The following SETX variants were observed in gnomAD, a reference collection of about 807,000 sequenced individuals.
SETX encodes the protein helicase senataxin.
In SETX, 90 loss-of-function variants were observed where a neutral mutation model predicts 227.2. The ratio of observed to expected loss-of-function variants is 0.40; its 90% CI spans 0.33 to 0.47. The LOEUF (loss-of-function observed/expected upper bound fraction) is 0.47. SETX is among the 20% of genes least tolerant of loss of function. The pLI is 0.91. For missense variants in SETX, 3,052 were observed against 3,181.5 expected, an observed-to-expected ratio of 0.96 and a Z score of 0.98; for synonymous variants, 1,210 against 1,113.2, an observed-to-expected ratio of 1.09 and a Z score of -1.73.
chr9:132,342,668 A>G, intron 5 of SETX, 22 bp downstream of exon 5: 1 of 1,487,780 alleles, frequency 6.7e-7, no homozygotes, highest in African/African-American at 1.4e-5. Flanking sequence ...ATACCCTTCT[A>G]TCGCCCAACA....
intron 15 of SETX, among the ~76,000 whole-genome samples, chr9:132,289,823 C>T (rs1198041671): frequency 1.3e-5 from 2 of 152,194 alleles, no homozygotes. Context: ...ACATTTTAAT[C>T]TCAGGTTAAC....
At chr9:132,322,811 A>G (rs912673578) in intron 10 of SETX, among the ~76,000 whole-genome samples, 2 of 147,272 alleles carry the variant, frequency 1.4e-5, no homozygotes, top group Non-Finnish European at 3.0e-5. Context: ...ACCATGCAAA[A>G]AGAGAAAAAC....
intron 16 of SETX, 42 bp downstream of exon 16, chr9:132,288,508 A>G (rs1363565064): frequency 6.5e-7 from 1 of 1,531,392 alleles, no homozygotes; most frequent in Admixed American, 1.7e-5. Flanking sequence ...TCCACCAAAC[A>G]AAACAGAGAA....
Position 132,277,241 on chromosome 9 carries a change from G to A in SETX, c.6843-89C>T, listed in dbSNP as rs1174055121. 3.3e-5 allele frequency: 39 copies of A among 1,170,578 alleles called. No homozygotes were observed. In the East Asian group the frequency reaches 9.5e-4, roughly 29 times the overall value. 72.5% of individuals were successfully genotyped at this position (1,170,578 alleles called of 1,614,324 possible). A position where few individuals can be genotyped will look rare whatever the true frequency, so the allele number is the denominator to read the frequency against. ...ATTACTACAATTTTTTCTGTGTGGT[G>A]ATGTGGGCTGGGGCAAGTAAGGGGA... On this transcript the variant is annotated intron_variant, in intron 21 of 25. Coordinates refer to ENST00000224140, the MANE Select transcript of SETX (RefSeq NM_015046.7).
At chr9:132,293,886 T>C (rs890995349) in intron 15 of SETX, among the ~76,000 whole-genome samples, 1 of 151,832 alleles carries the variant, frequency 6.6e-6, no homozygotes, top group African/African-American at 2.4e-5. Context: ...TAGCCGGGTG[T>C]TGTGGCGGGC....
chr9:132,336,196 T>C (rs1847602790), intron 6 of SETX, 100 bp downstream of exon 6: 1 of 958,778 alleles, frequency 1.0e-6, no homozygotes, highest in Non-Finnish European at 1.6e-6. Context: ...TGAGTGGAGA[T>C]GGTGCCACTG....
chr9:132,310,875 C>T (rs189660794), intron 11 of SETX, among the ~76,000 whole-genome samples: 77 of 152,298 alleles, frequency 5.1e-4, no homozygotes, highest in African/African-American at 1.8e-3. Flanking sequence ...ATAAATATAT[C>T]TTCTCTTCCT....
rs768463077 is a variant in SETX at position 132,281,082 on chromosome 9, CTCTT to C, written c.6654+381_6654+384del. ...CAAAAATGAGGAGGGTAGGATTCTT[CTCTT>C]TATTTCTGAAGTTTTTCTTTTATTA... On this transcript the variant is annotated intron_variant, in intron 20 of 25. Coordinates refer to ENST00000224140, the MANE Select transcript of SETX (RefSeq NM_015046.7). Among the ~76,000 whole-genome samples, 9 of 152,294 alleles carry C rather than the reference CTCTT, an allele frequency of 5.9e-5. No homozygotes were observed. In the South Asian group the frequency reaches 1.0e-3, roughly 18 times the overall value.
Position 132,330,060 on chromosome 9 carries a change from T to C in SETX, c.1538A>G (p.Lys513Arg), listed in dbSNP as rs370374547. Reference protein sequence around the residue: ...SSEKSSGNCSKGTAMISSLSL... With the variant: ...SSEKSSGNCSRGTAMISSLSL... ...CAGTGAAGATATCATTGCTGTTCCT[T>C]TGGAGCAATTTCCAGATGATTTCTC... The change falls in exon 10 of 26, where the codon AAA becomes AGA. Residue 513 changes from lysine to arginine, a missense_variant. Physicochemically the swap from Lys to Arg is conservative, Grantham distance 26 (BLOSUM62 2). Transcript: ENST00000224140. 2 of 1,614,244 alleles carry C rather than the reference T, an allele frequency of 1.2e-6. No homozygotes were observed. The highest frequency in any genetic ancestry group is 2.2e-5 in the East Asian group (1 of 44,892).
At position 132,264,482 on chromosome 9, in the gene SETX, C is replaced by A. The variant is rs1352532349; in HGVS notation, c.7791G>T (p.Leu2597=). 1.2e-6 allele frequency: 2 copies of A among 1,613,312 alleles called. No individual in the cohort carries two copies. The highest frequency in any genetic ancestry group is 1.7e-6 in the Non-Finnish European group (2 of 1,179,774). ...IQQPAAVVAA[L]SSHKPPVRGE... is the part of the protein sequence containing the mutation. ...CCCGCACGGGAGGTTTGTGGCTGCTCAGAGCAGCCACTACAGCAGCGGGCT... is the reference window on the plus strand; with the variant it reads ...CCCGCACGGGAGGTTTGTGGCTGCTAAGAGCAGCCACTACAGCAGCGGGCT... The change falls in exon 26 of 26, where the codon CTG becomes CTT. Residue 2597 remains leucine (L), a synonymous_variant. Coordinates refer to ENST00000224140, the MANE Select transcript of SETX (RefSeq NM_015046.7).
At chr9:132,283,110 A>T in intron 19 of SETX, 154 bp downstream of exon 19, 1 of 933,606 alleles carries the variant, frequency 1.1e-6, no homozygotes, top group South Asian at 1.5e-5. Flanking sequence ...ATTAAGGAGT[A>T]TATTTCTACA....
intron 10 of SETX, among the ~76,000 whole-genome samples, chr9:132,325,535 G>C (rs1846685040): frequency 6.6e-6 from 1 of 152,148 alleles, no homozygotes; most frequent in African/African-American, 2.4e-5. Context: ...TCTCCTCTGA[G>C]AAGTCTTCCT....
At chr9:132,340,619 T>C (rs1564561671) in intron 5 of SETX, among the ~76,000 whole-genome samples, 1 of 152,204 alleles carries the variant, frequency 6.6e-6, no homozygotes, top group African/African-American at 2.4e-5. Context: ...AGAAGCAGCA[T>C]TAGAAGACAC....
At chr9:132,302,807 A>AT (rs1845090199) in intron 11 of SETX, among the ~76,000 whole-genome samples, 1 of 151,864 alleles carries the variant, frequency 6.6e-6, no homozygotes, top group African/African-American at 2.4e-5. Flanking sequence ...CAATTTCAGT[A>AT]TTTTTTATAA....
In SETX at chr9:132,264,815, G is replaced by A; in HGVS notation, c.7458C>T (p.Pro2486=). 6.2e-7 allele frequency: 1 copy of A among 1,614,190 alleles called. No individual in the cohort carries two copies. Among genetic ancestry groups the A allele is most frequent in the Non-Finnish European group, 8.5e-7 (1 of 1,180,032 alleles). Residue 2486 remains proline (P), a synonymous_variant, in exon 26 of 26, where the codon CCC becomes CCT. Transcript: ENST00000224140. ...GCTTGCTGCTGGGCAAACCACCCTGGGGTCTGGACCCCTCTGGGGCTATGG... is the reference window on the plus strand; with the variant it reads ...GCTTGCTGCTGGGCAAACCACCCTGAGGTCTGGACCCCTCTGGGGCTATGG... ...PPTIAPEGSR[P]QGGLPSSKLD...
At chr9:132,278,378 C>A in intron 20 of SETX, 121 bp from the exon 21 acceptor site, 2 of 848,516 alleles carry the variant, frequency 2.4e-6, no homozygotes, top group Non-Finnish European at 3.8e-6. Context: ...ATAAGATTAC[C>A]AACCACAGCT....
intron 25 of SETX, 90 bp downstream of exon 25, chr9:132,269,525 A>G: frequency 6.2e-7 from 1 of 1,606,884 alleles, no homozygotes; most frequent in Non-Finnish European, 8.5e-7. Context: ...TGTAATCCAG[A>G]AATCATTTAC....
At chr9:132,281,991 C>T (rs892796598) in intron 19 of SETX, among the ~76,000 whole-genome samples, 12 of 140,742 alleles carry the variant, frequency 8.5e-5, no homozygotes, top group Admixed American at 7.3e-5. Context: ...CACTGCACTC[C>T]GGTCTGGGTG....
Position 132,329,354 on chromosome 9 carries a change from A to C in SETX, c.2244T>G (p.Thr748=). 6.2e-7 allele frequency: 1 copy of C among 1,614,068 alleles called. No individual in the cohort carries two copies. Among genetic ancestry groups the C allele is most frequent in the Non-Finnish European group, 8.5e-7 (1 of 1,179,962 alleles). The part of the protein sequence containing the change: ...RGIIVSTRLL[T]DSSTDALEKV... ...TTTCCAAAGCATCAGTGCTAGAATC[A>C]GTCAACAAACGTGTTGATACTATTA... The change falls in exon 10 of 26, where the codon ACT becomes ACG. Residue 748 remains threonine, a synonymous_variant. Coordinates refer to ENST00000224140, the MANE Select transcript of SETX (RefSeq NM_015046.7).
Sources: gnomAD v4.1 joint callset for allele counts (sites outside exome capture counted in the v4.1 genomes callset) on GRCh38, gnomAD v4.1.1 for gene constraint, MANE v1.5 for transcripts, NCBI Gene and HGNC (gene_info 2026-07-23, HGNC 2026-07-21) for gene names.